Variants in LRRTM4 observed in about 807,000 individuals in gnomAD.
LRRTM4 encodes the protein leucine rich repeat transmembrane neuronal 4.
In LRRTM4, 25 loss-of-function variants were observed where a neutral mutation model predicts 47.6. The ratio of observed to expected loss-of-function variants is 0.53; its 90% CI spans 0.38 to 0.73. LRRTM4 has a LOEUF of 0.73. Ranked by LOEUF, LRRTM4 falls within the 30% of genes least tolerant of loss-of-function variation. LRRTM4 has a pLI of 0.00. For synonymous variants in LRRTM4, 311 were observed against 269.5 expected, an observed-to-expected ratio of 1.15 and a Z score of -1.51; for missense variants, 638 against 713.4, an observed-to-expected ratio of 0.89 and a Z score of 1.20.
At chr2:76,792,300 G>A (rs1368779821) in intron 3 of LRRTM4, among the ~76,000 whole-genome samples, 1 of 151,784 alleles carries the variant, frequency 6.6e-6, no homozygotes, top group African/African-American at 2.4e-5. Context: ...AAAGTCATAG[G>A]CTGCCACTTT....
intron 3 of LRRTM4, among the ~76,000 whole-genome samples, chr2:77,111,038 T>C (rs1346594938): frequency 6.6e-6 from 1 of 152,150 alleles, no homozygotes; most frequent in Non-Finnish European, 1.5e-5. Context: ...AAACAAGGAA[T>C]TGAGAAGCAA....
rs539966513 is a variant in LRRTM4, at chr2:76,845,464, C to T, written c.1552-96548G>A. The stretch of plus-strand genomic sequence containing the variant: ...GGGAGATCTCATTATTGGCTGAAAA[C>T]AAGGTGCAGTAACGTGAGTGGTGGC... On this transcript the variant is annotated intron_variant, in intron 3 of 3. Transcript: ENST00000409884. Among the ~76,000 whole-genome samples the T allele has an allele frequency of 6.6e-5, 10 of 152,130 alleles. 1 individual carries two copies. The East Asian group carries it at 1.7e-3, about 27-fold the overall frequency.
At chr2:76,793,440 G>C (rs1365918859) in intron 3 of LRRTM4, among the ~76,000 whole-genome samples, 1 of 151,964 alleles carries the variant, frequency 6.6e-6, no homozygotes, top group African/African-American at 2.4e-5. Context: ...AAAGAATCAA[G>C]TATTTTTTTT....
At chr2:77,166,910 A>T (rs1392939809) in intron 3 of LRRTM4, among the ~76,000 whole-genome samples, 2 of 152,122 alleles carry the variant, frequency 1.3e-5, no homozygotes, top group East Asian at 1.9e-4. Flanking sequence ...GGACTTCATG[A>T]CTAAAACACC....
chr2:76,800,228 C>T (rs1290388214), intron 3 of LRRTM4, among the ~76,000 whole-genome samples: 2 of 148,432 alleles, frequency 1.3e-5, no homozygotes, highest in African/African-American at 5.1e-5. Flanking sequence ...GTGACCAAAA[C>T]AGCATGGTAC....
At chr2:76,807,425 C>CACACATATATAT (rs368842956) in intron 3 of LRRTM4, among the ~76,000 whole-genome samples, 5 of 98,054 alleles carry the variant, frequency 5.1e-5, no homozygotes, top group East Asian at 2.8e-4. Flanking sequence ...TATATATATA[C>CACACATATATAT]ATATATATAT....
intron 3 of LRRTM4, among the ~76,000 whole-genome samples, chr2:76,988,883 G>A (rs1264168096): frequency 6.6e-6 from 1 of 151,602 alleles, no homozygotes; most frequent in Non-Finnish European, 1.5e-5. Context: ...GGGAACTGAA[G>A]CTAGAAAACT....
At chr2:77,312,125 C>T (rs1405413018) in intron 3 of LRRTM4, among the ~76,000 whole-genome samples, 1 of 152,118 alleles carries the variant, frequency 6.6e-6, no homozygotes, top group African/African-American at 2.4e-5. Context: ...AGTCATTTGA[C>T]TTCAATCCTT....
At chr2:76,921,592 C>T (rs1472760097) in intron 3 of LRRTM4, among the ~76,000 whole-genome samples, 1 of 151,962 alleles carries the variant, frequency 6.6e-6, no homozygotes, top group African/African-American at 2.4e-5. Context: ...ATATTTGTTT[C>T]TATCTCTCAT....
At chr2:77,480,810 GTGTGTGTGTGTGGAGAGAGAGAGAGAGA>G (rs1441794213) in intron 3 of LRRTM4, among the ~76,000 whole-genome samples, 2 of 133,404 alleles carry the variant, frequency 1.5e-5, no homozygotes, top group African/African-American at 5.7e-5. Flanking sequence ...GTGTGTGTGT[GTGTGTGTGTGTGGAGAGAGAGAGAGAGA>G]GAGAGAGAGA....
chr2:77,315,627 C>T (rs1470414685), intron 3 of LRRTM4, among the ~76,000 whole-genome samples: 1 of 152,152 alleles, frequency 6.6e-6, no homozygotes, highest in African/African-American at 2.4e-5. Context: ...ACTCTAGACC[C>T]TAACCTTCCT....
At chr2:76,959,974 G>A (rs573492757) in intron 3 of LRRTM4, among the ~76,000 whole-genome samples, 2 of 151,102 alleles carry the variant, frequency 1.3e-5, no homozygotes, top group South Asian at 4.2e-4. Context: ...GGTTTACTCT[G>A]TATTAAAAAT....
At chr2:76,844,328 G>A (rs762451341) in intron 3 of LRRTM4, among the ~76,000 whole-genome samples, 1 of 151,972 alleles carries the variant, frequency 6.6e-6, no homozygotes, top group Non-Finnish European at 1.5e-5. Context: ...GTAGAGACGA[G>A]GTTTCACCAT....
intron 3 of LRRTM4, among the ~76,000 whole-genome samples, chr2:76,927,881 C>A (rs1282490578): frequency 6.6e-6 from 1 of 152,124 alleles, no homozygotes; most frequent in African/African-American, 2.4e-5. Context: ...AGGGTTAAAT[C>A]AAGCCCTTTT....
At chr2:77,048,908 G>C (rs1024136842) in intron 3 of LRRTM4, among the ~76,000 whole-genome samples, 1 of 150,682 alleles carries the variant, frequency 6.6e-6, no homozygotes, top group African/African-American at 2.4e-5. Flanking sequence ...CCAACCTCTG[G>C]CTATCCCCAT....
At chr2:77,006,759 T>C (rs567136539) in intron 3 of LRRTM4, among the ~76,000 whole-genome samples, 7 of 152,282 alleles carry the variant, frequency 4.6e-5, no homozygotes, top group South Asian at 4.1e-4. Context: ...GGTGCTTGTC[T>C]ATGGCAGGTG....
intron 3 of LRRTM4, among the ~76,000 whole-genome samples, chr2:77,064,270 T>C (rs1679883148): frequency 6.6e-6 from 1 of 152,114 alleles, no homozygotes; most frequent in African/African-American, 2.4e-5. Flanking sequence ...AACTGTAAAA[T>C]GATGTGTTGC....
intron 3 of LRRTM4, among the ~76,000 whole-genome samples, chr2:77,150,682 G>T (rs765054341): frequency 5.9e-5 from 9 of 152,100 alleles, no homozygotes; most frequent in Non-Finnish European, 1.3e-4. Flanking sequence ...AAGCACAATG[G>T]TTGTCTGTTA....
At chr2:77,491,798 T>C (rs1470291777) in intron 3 of LRRTM4, among the ~76,000 whole-genome samples, 1 of 151,932 alleles carries the variant, frequency 6.6e-6, no homozygotes, top group Non-Finnish European at 1.5e-5. Flanking sequence ...CATTTTTCAC[T>C]CTTTTAAATG....
Sources: gnomAD v4.1 joint callset for allele counts (sites outside exome capture counted in the v4.1 genomes callset) on GRCh38, gnomAD v4.1.1 for gene constraint, MANE v1.5 for transcripts, NCBI Gene and HGNC (gene_info 2026-07-23, HGNC 2026-07-21) for gene names.